Variants in AHI1 observed in about 807,000 individuals in gnomAD.
AHI1 encodes the protein Abelson helper integration site 1.
A neutral mutation model predicts 149.3 loss-of-function variants in AHI1; 123 were observed. The ratio of observed to expected loss-of-function variants is 0.82; its 90% confidence interval spans 0.71 to 0.96. AHI1 has a LOEUF of 0.96. Ranked by LOEUF, AHI1 falls within the 40% of genes least tolerant of loss-of-function variation. The probability of loss-of-function intolerance (pLI) is 0.00; values close to 1 mark genes in which losing one functional copy is unlikely to be tolerated. For synonymous variants in AHI1, 475 were observed against 459.8 expected, an observed-to-expected ratio of 1.03 and a Z score of -0.42; for missense variants, 1,439 against 1,422.7, an observed-to-expected ratio of 1.01 and a Z score of -0.18.
At chr6:135,297,487 T>A (rs1783255716) in intron 27 of AHI1, 1 of 456,146 alleles carries the variant, frequency 2.2e-6, no homozygotes, top group Non-Finnish European at 4.4e-6. Flanking sequence ...CTCATTCAGC[T>A]CTCTTCTGTA....
At position 135,363,116 on chromosome 6, in the gene AHI1, C is replaced by T. The variant is rs373095055; in HGVS notation, c.3110-4929G>A. Among the ~76,000 whole-genome samples, 3 of 151,130 alleles carry T rather than the reference C, an allele frequency of 2.0e-5. No individual in the cohort carries two copies. The South Asian group carries it at 6.3e-4, about 32-fold the overall frequency. The stretch of plus-strand genomic sequence containing the variant: ...CGCAGAGGGGGATTTGGCAGGGTCA[C>T]AGGACAATAGTGGAGGGAAGGTCAG... On this transcript the variant is annotated intron_variant, in intron 23 of 28. Coordinates refer to ENST00000265602, the MANE Select transcript of AHI1 (RefSeq NM_001134831.2).
intron 25 of AHI1, among the ~76,000 whole-genome samples, chr6:135,320,111 T>C (rs1041195009): frequency 6.6e-6 from 1 of 152,160 alleles, no homozygotes; most frequent in African/African-American, 2.4e-5. Flanking sequence ...ATGTTAAAAC[T>C]GGGCAATTGA....
intron 23 of AHI1, among the ~76,000 whole-genome samples, chr6:135,386,018 C>T (rs1777526453): frequency 6.6e-6 from 1 of 152,156 alleles, no homozygotes; most frequent in African/African-American, 2.4e-5. Flanking sequence ...CTGTCTACTT[C>T]TAACAAAAAA....
rs192173613 is a variant in AHI1 at position 135,365,706 on chromosome 6, T to C, written c.3110-7519A>G. Among the ~76,000 whole-genome samples, 21 of 152,316 alleles carry C rather than the reference T, an allele frequency of 1.4e-4. No homozygotes were observed. The East Asian group carries it at 4.1e-3, about 29-fold the overall frequency. On this transcript the variant is annotated intron_variant, in intron 23 of 28. Transcript: ENST00000265602. ...GAATTAATTTATCAGATCTAGGAGC[T>C]TTTTGGATGAGTCTTTAGCGTTTTC...
chr6:135,387,866 A>G, intron 23 of AHI1: 1 of 1,514,566 alleles, frequency 6.6e-7, no homozygotes, highest in Non-Finnish European at 8.8e-7. Flanking sequence ...AATTCTATGA[A>G]GTAGGAAATG....
intron 21 of AHI1, among the ~76,000 whole-genome samples, chr6:135,405,753 G>A (rs532421670): frequency 1.3e-5 from 2 of 151,648 alleles, no homozygotes; most frequent in Admixed American, 6.6e-5. Flanking sequence ...CCAGCTACTC[G>A]GGAGGCTGAG....
chr6:135,480,473 G>A (rs991134987), intron 5 of AHI1, among the ~76,000 whole-genome samples: 1 of 151,596 alleles, frequency 6.6e-6, no homozygotes, highest in Non-Finnish European at 1.5e-5. Context: ...AAAAAAAGAA[G>A]AAAGAAACTC....
intron 20 of AHI1, among the ~76,000 whole-genome samples, chr6:135,412,717 T>C (rs888569996): frequency 6.6e-6 from 1 of 152,152 alleles, no homozygotes; most frequent in African/African-American, 2.4e-5. Flanking sequence ...TATAAACTCA[T>C]CATTTAAAAA....
chr6:135,431,069 A>ATTGAT, intron 17 of AHI1, 139 bp downstream of exon 17: 2 of 575,526 alleles, frequency 3.5e-6, no homozygotes, highest in South Asian at 5.8e-5. Context: ...TGTGCTAATT[A>ATTGAT]ATTATTGATA....
Position 135,368,704 on chromosome 6 carries a change from C to T in AHI1, c.3110-10517G>A, listed in dbSNP as rs534866574. Among the ~76,000 whole-genome samples, 7 of 152,168 alleles carry T rather than the reference C, an allele frequency of 4.6e-5. No individual in the cohort carries two copies. The South Asian group carries it at 1.5e-3, about 32-fold the overall frequency. ...GAAAGGCAGTAGTTACAGGCCTCACCCAGTTCCCATGCATCCCAAAATGCC... is the reference window on the plus strand; with the variant it reads ...GAAAGGCAGTAGTTACAGGCCTCACTCAGTTCCCATGCATCCCAAAATGCC... On this transcript the variant is annotated intron_variant, in intron 23 of 28. Coordinates refer to ENST00000265602, the MANE Select transcript of AHI1 (RefSeq NM_001134831.2).
In AHI1 at chr6:135,337,636, T is replaced by C. The variant is rs546575620; in HGVS notation, c.3166-14312A>G. Reference sequence around the variant, plus strand: ...AATCAGCTAGGTGTGGTGGTGTGCATCTGCAGTCCCAGCTACTCAGGAGGC... The same window carrying C: ...AATCAGCTAGGTGTGGTGGTGTGCACCTGCAGTCCCAGCTACTCAGGAGGC... On this transcript the variant is annotated intron_variant, in intron 24 of 28. Transcript: ENST00000265602. 7.9e-5 allele frequency among the ~76,000 whole-genome samples: 12 copies of C among 151,852 alleles called. No homozygotes were observed. The East Asian group carries it at 2.1e-3, about 27-fold the overall frequency.
chr6:135,290,810 T>A (rs779567055), intron 27 of AHI1, among the ~76,000 whole-genome samples: 1 of 152,108 alleles, frequency 6.6e-6, no homozygotes, highest in Non-Finnish European at 1.5e-5. Flanking sequence ...TAAACAATTA[T>A]CTGTGGACTT....
chr6:135,352,633 T>G (rs1201823828), intron 24 of AHI1, among the ~76,000 whole-genome samples: 3 of 151,558 alleles, frequency 2.0e-5, no homozygotes. Context: ...TTTCATATAT[T>G]AGGATTTAGC....
chr6:135,475,089 T>C (rs1792380741), intron 5 of AHI1, among the ~76,000 whole-genome samples: 1 of 152,234 alleles, frequency 6.6e-6, no homozygotes, highest in Admixed American at 6.5e-5. Flanking sequence ...TTTTAAAAGA[T>C]ATATAATGTT....
At position 135,463,145 on chromosome 6, in the gene AHI1, GTTT is replaced by G. The variant is rs753874898; in HGVS notation, c.908_910del (p.Lys303del). 2 of 1,560,552 alleles carry G rather than the reference GTTT, an allele frequency of 1.3e-6. No homozygotes were observed. The highest frequency in any genetic ancestry group is 2.5e-5 in the South Asian group (2 of 80,150). On this transcript the variant is annotated inframe_deletion, in exon 8 of 29. Coordinates refer to ENST00000265602, the MANE Select transcript of AHI1 (RefSeq NM_001134831.2). The stretch of plus-strand genomic sequence containing the variant: ...CAAACCTGCTTTAGTCTTCTTTTTT[GTTT>G]TTTTTGGTTTAGGTTTTGTATCATC...
intron 5 of AHI1, among the ~76,000 whole-genome samples, chr6:135,485,497 T>G (rs1032643004): frequency 1.3e-5 from 2 of 152,238 alleles, no homozygotes; most frequent in African/African-American, 4.8e-5. Context: ...GGATTAAACC[T>G]AAAAATTAAT....
At chr6:135,375,631 G>T (rs1775802102) in intron 23 of AHI1, among the ~76,000 whole-genome samples, 1 of 152,132 alleles carries the variant, frequency 6.6e-6, no homozygotes, top group Admixed American at 6.5e-5. Flanking sequence ...CTTTATTATT[G>T]ATAAATGACA....
At chr6:135,442,440 T>G in intron 14 of AHI1, 142 bp downstream of exon 14, 2 of 897,514 alleles carry the variant, frequency 2.2e-6, no homozygotes, top group Non-Finnish European at 3.1e-6. Flanking sequence ...CAAAAGAACT[T>G]TCTTTGTTTG....
chr6:135,497,708 G>T lies in AHI1; in HGVS notation c.-327C>A, dbSNP rs533637746. ...CCACGCAGCCACCTAACCCGCCAGC[G>T]ACCCGTGTCCTGAAAGCAAGCCGCG... On this transcript the variant is annotated 5_prime_UTR_variant, in exon 1 of 29. Transcript: ENST00000265602. 5 of 168,250 alleles carry T rather than the reference G, an allele frequency of 3.0e-5. No individual in the cohort carries two copies. Among genetic ancestry groups the T allele is most frequent in the South Asian group, 9.3e-5 (1 of 10,722 alleles). 10.4% of individuals were successfully genotyped at this position (168,250 alleles called of 1,614,324 possible).
Sources: allele counts gnomAD v4.1 joint callset (sites outside exome capture counted in the v4.1 genomes callset), GRCh38; gene constraint gnomAD v4.1.1; transcripts MANE v1.5; gene names NCBI Gene and HGNC (gene_info 2026-07-23, HGNC 2026-07-21).